The following CTIF variants were observed in gnomAD, a reference collection of about 807,000 sequenced individuals.
CTIF encodes the protein CBP80/20-dependent translation initiation factor.
A neutral mutation model predicts 66.0 loss-of-function variants in CTIF; 21 were observed. That is an observed-to-expected ratio of 0.32 (90% CI 0.23 to 0.46). CTIF has a LOEUF of 0.46. Among genes scored for constraint, CTIF ranks in the 20% least tolerant of loss-of-function variants. CTIF has a pLI of 1.00. For missense variants in CTIF, 739 were observed against 812.7 expected, an observed-to-expected ratio of 0.91 and a Z score of 1.10; for synonymous variants, 345 against 326.4, an observed-to-expected ratio of 1.06 and a Z score of -0.62.
At chr18:48,769,869 C>G (rs1202140395) in intron 9 of CTIF, among the ~76,000 whole-genome samples, 1 of 152,196 alleles carries the variant, frequency 6.6e-6, no homozygotes, top group Non-Finnish European at 1.5e-5. Flanking sequence ...GTTCATTTGC[C>G]CTCCACTGTG....
chr18:48,796,774 C>T (rs2067929326), intron 9 of CTIF, among the ~76,000 whole-genome samples: 1 of 152,188 alleles, frequency 6.6e-6, no homozygotes, highest in Non-Finnish European at 1.5e-5. Flanking sequence ...TACATGCTCA[C>T]AGCTTCTGGA....
At position 48,860,858 on chromosome 18, in the gene CTIF, T is replaced by C; in HGVS notation, c.*1299T>C. Reference sequence around the variant, plus strand: ...TTCCCAGCCGGGAAACAAGACGGGGTTTCTTGGCAGGCCCTGGTCCTGGGG... The same window carrying C: ...TTCCCAGCCGGGAAACAAGACGGGGCTTCTTGGCAGGCCCTGGTCCTGGGG... On this transcript the variant is annotated 3_prime_UTR_variant, in exon 12 of 12. Transcript: ENST00000256413. 1 of 151,658 alleles carries C rather than the reference T, an allele frequency of 6.6e-6. No homozygotes were observed. Among genetic ancestry groups the C allele is most frequent in the Non-Finnish European group, 1.5e-5 (1 of 67,898 alleles). The allele number at this position is 151,658 out of a possible 1,614,324, so 9.4% of individuals were successfully genotyped here.
intron 9 of CTIF, among the ~76,000 whole-genome samples, chr18:48,805,863 A>C (rs955658462): frequency 6.6e-6 from 1 of 152,204 alleles, no homozygotes; most frequent in Non-Finnish European, 1.5e-5. Context: ...GAGCTGTCTG[A>C]CCACGTACCG....
intron 10 of CTIF, among the ~76,000 whole-genome samples, chr18:48,832,568 A>G (rs1359342273): frequency 6.6e-6 from 1 of 152,202 alleles, no homozygotes; most frequent in Non-Finnish European, 1.5e-5. Flanking sequence ...AGGGCTGGGC[A>G]GCTGCCACCC....
intron 1 of CTIF, among the ~76,000 whole-genome samples, chr18:48,573,822 G>A (rs1358507619): frequency 6.6e-6 from 1 of 152,228 alleles, no homozygotes; most frequent in African/African-American, 2.4e-5. Flanking sequence ...CGGGAAGGCA[G>A]CACACTGCAC....
intron 7 of CTIF, among the ~76,000 whole-genome samples, chr18:48,745,157 A>AC (rs1212857746): frequency 6.6e-6 from 1 of 152,178 alleles, no homozygotes; most frequent in Non-Finnish European, 1.5e-5. Context: ...GTATTTCATG[A>AC]CATTGGCCTT....
chr18:48,681,213 C>A (rs895152295), intron 6 of CTIF, among the ~76,000 whole-genome samples: 6 of 152,254 alleles, frequency 3.9e-5, no homozygotes, highest in Non-Finnish European at 8.8e-5. Context: ...ATCCCAGGCC[C>A]CTCTGTTCTA....
intron 1 of CTIF, among the ~76,000 whole-genome samples, chr18:48,607,710 G>A (rs897469950): frequency 6.6e-6 from 1 of 152,142 alleles, no homozygotes; most frequent in Non-Finnish European, 1.5e-5. Context: ...GGCATTACAG[G>A]AGCAGTGGGA....
intron 1 of CTIF, among the ~76,000 whole-genome samples, chr18:48,546,600 C>T (rs2088756315): frequency 6.6e-6 from 1 of 152,128 alleles, no homozygotes; most frequent in Non-Finnish European, 1.5e-5. Flanking sequence ...GGACGGTGAG[C>T]TCCAGCTGAG....
chr18:48,847,284 G>A (rs2069102141), intron 10 of CTIF, among the ~76,000 whole-genome samples: 2 of 147,614 alleles, frequency 1.4e-5, no homozygotes, highest in Admixed American at 1.3e-4. Context: ...TTCCAGCCTG[G>A]TGACAGAGCA....
At chr18:48,777,038 C>T (rs190109765) in intron 9 of CTIF, among the ~76,000 whole-genome samples, 23 of 152,348 alleles carry the variant, frequency 1.5e-4, no homozygotes, top group Admixed American at 9.1e-4. Flanking sequence ...AAAGCAGATG[C>T]GCTAGGCAAA....
chr18:48,610,143 A>C (rs2090279385), intron 1 of CTIF, among the ~76,000 whole-genome samples: 1 of 152,154 alleles, frequency 6.6e-6, no homozygotes, highest in Non-Finnish European at 1.5e-5. Context: ...CTCAAGGATT[A>C]CGCAGTCTTA....
chr18:48,569,256 T>C (rs1044420973), intron 1 of CTIF, among the ~76,000 whole-genome samples: 1 of 152,184 alleles, frequency 6.6e-6, no homozygotes, highest in African/African-American at 2.4e-5. Flanking sequence ...TTCTTCAGGA[T>C]TTCCAGAGCG....
chr18:48,664,389 G>A (rs555463939), intron 4 of CTIF, 58 bp from the exon 5 acceptor site: 119 of 1,463,748 alleles, frequency 8.1e-5, no homozygotes, highest in Admixed American at 8.0e-4. Flanking sequence ...CCCTGGTTCC[G>A]TCAGTAACTG....
chr18:48,539,622 A>AG (rs138922328), intron 1 of CTIF: 9,788 of 152,794 alleles, frequency 0.064, 1,119 homozygotes, highest in African/African-American at 0.23. Flanking sequence ...TCCGGCGCCA[A>AG]GGGGGGCTCT....
At chr18:48,806,846 G>A (rs760261394) in intron 9 of CTIF, among the ~76,000 whole-genome samples, 2 of 152,200 alleles carry the variant, frequency 1.3e-5, no homozygotes, top group South Asian at 2.1e-4. Context: ...TGATGTGGCC[G>A]GTGCAGGAAA....
chr18:48,802,779 C>A (rs75846045), intron 9 of CTIF, among the ~76,000 whole-genome samples: 1 of 152,226 alleles, frequency 6.6e-6, no homozygotes, highest in African/African-American at 2.4e-5. Flanking sequence ...AGCCCCCTCA[C>A]GCCCCTTGAC....
At chr18:48,846,500 TGGA>T in intron 10 of CTIF, among the ~76,000 whole-genome samples, 1 of 139,680 alleles carries the variant, frequency 7.2e-6, no homozygotes, top group Admixed American at 7.8e-5. Context: ...AAAGGATAGA[TGGA>T]TGGATGGATG....
chr18:48,595,449 C>T (rs1342560272), intron 1 of CTIF, among the ~76,000 whole-genome samples: 1 of 152,038 alleles, frequency 6.6e-6, no homozygotes, highest in African/African-American at 2.4e-5. Flanking sequence ...TTTAGAGAGA[C>T]AGGGTCTCAG....
Sources: gnomAD v4.1 joint callset for allele counts (sites outside exome capture counted in the v4.1 genomes callset) on GRCh38, gnomAD v4.1.1 for gene constraint, MANE v1.5 for transcripts, NCBI Gene and HGNC (gene_info 2026-07-23, HGNC 2026-07-21) for gene names.